The following NRG2 variants were observed in gnomAD, a reference collection of about 807,000 sequenced individuals.
The protein encoded by NRG2 is neuregulin 2.
A neutral mutation model predicts 73.9 loss-of-function variants in NRG2; 27 were observed. The observed-to-expected ratio is 0.37, with a 90% CI of 0.27 to 0.50. NRG2 has a LOEUF of 0.50. Ranked by LOEUF, NRG2 falls within the 20% of genes least tolerant of loss-of-function variation. The pLI is 0.96. For synonymous variants in NRG2, 532 were observed against 541.0 expected (o/e 0.98, Z 0.23); for missense variants, 1,126 against 1,210.1 (o/e 0.93, Z 1.03).
chr5:139,998,835 A>T (rs1309841189), intron 1 of NRG2, among the ~76,000 whole-genome samples: 1 of 152,216 alleles, frequency 6.6e-6, no homozygotes, highest in Non-Finnish European at 1.5e-5. Flanking sequence ...AGGGGAAGAT[A>T]GGAAGAGGAG....
intron 1 of NRG2, among the ~76,000 whole-genome samples, chr5:139,945,831 C>A (rs1753763630): frequency 6.6e-6 from 1 of 151,756 alleles, no homozygotes; most frequent in Non-Finnish European, 1.5e-5. Flanking sequence ...GAACAATTTG[C>A]AAATGAAATT....
At chr5:139,989,655 CCA>C (rs1757424489) in intron 1 of NRG2, among the ~76,000 whole-genome samples, 2 of 151,804 alleles carry the variant, frequency 1.3e-5, no homozygotes, top group African/African-American at 4.8e-5. Flanking sequence ...TTGCATGTCA[CCA>C]CAGTTCATTC....
chr5:140,026,727 C>G (rs1760720590), intron 1 of NRG2, among the ~76,000 whole-genome samples: 1 of 152,104 alleles, frequency 6.6e-6, no homozygotes, highest in Non-Finnish European at 1.5e-5. Flanking sequence ...ACTGTCATGA[C>G]TCGTCAATGT....
chr5:139,871,856 G>C lies in NRG2; in HGVS notation c.992-15C>G, dbSNP rs772889006. The C allele has an allele frequency of 3.1e-6, 5 of 1,612,792 alleles. No individual in the cohort carries two copies. In the African/African-American group the frequency reaches 6.7e-5, roughly 22 times the overall value. On this transcript the variant is annotated splice_polypyrimidine_tract_variant and intron_variant, in intron 3 of 9. Coordinates refer to ENST00000361474, the MANE Select transcript of NRG2 (RefSeq NM_004883.3). ...GGTGGTGCTCACTGAGGGTATGAGA[G>C]ACATGTGCCAGTGACGCACTGAGAC... is the stretch of plus-strand genomic sequence containing the variant.
intron 1 of NRG2, among the ~76,000 whole-genome samples, chr5:139,909,768 C>G (rs963302017): frequency 3.2e-4 from 48 of 152,310 alleles, no homozygotes; most frequent in Admixed American, 1.2e-3. Context: ...AAGCCCATTC[C>G]CCACATGACT....
intron 1 of NRG2, among the ~76,000 whole-genome samples, chr5:139,913,317 G>C (rs1164422143): frequency 6.6e-6 from 1 of 152,188 alleles, no homozygotes; most frequent in Non-Finnish European, 1.5e-5. Context: ...TGATGAGTCT[G>C]GTGGCCTCTC....
At chr5:140,025,124 C>G (rs1049797877) in intron 1 of NRG2, among the ~76,000 whole-genome samples, 1 of 152,196 alleles carries the variant, frequency 6.6e-6, no homozygotes, top group African/African-American at 2.4e-5. Flanking sequence ...CCTGACAAGG[C>G]CTGATTAGTA....
chr5:139,938,945 G>T (rs978599927), intron 1 of NRG2, among the ~76,000 whole-genome samples: 12 of 107,572 alleles, frequency 1.1e-4, no homozygotes, highest in African/African-American at 4.5e-4. Context: ...AAGAAAGAAA[G>T]AAAGAAAGAA....
At chr5:139,981,010 C>T (rs1361971397) in intron 1 of NRG2, among the ~76,000 whole-genome samples, 4 of 152,132 alleles carry the variant, frequency 2.6e-5, no homozygotes, top group African/African-American at 4.8e-5. Flanking sequence ...TGGGGTGCAG[C>T]GTGGCTGTGA....
intron 3 of NRG2, among the ~76,000 whole-genome samples, chr5:139,872,195 C>T (rs1209397905): frequency 1.3e-5 from 2 of 152,154 alleles, no homozygotes; most frequent in Admixed American, 6.5e-5. Context: ...TCCGGGGGCT[C>T]CCCTGCAAGT....
intron 1 of NRG2, among the ~76,000 whole-genome samples, chr5:140,035,731 A>G (rs900384857): frequency 6.6e-6 from 1 of 152,326 alleles, no homozygotes; most frequent in African/African-American, 2.4e-5. Flanking sequence ...ATCAAGACCA[A>G]GTAAAACATC....
intron 1 of NRG2, among the ~76,000 whole-genome samples, chr5:139,928,194 T>C (rs997486185): frequency 1.3e-5 from 2 of 152,166 alleles, no homozygotes; most frequent in African/African-American, 2.4e-5. Context: ...CAAGTGAGCA[T>C]GAATGCCCAG....
At chr5:139,897,920 T>C (rs1290332040) in intron 1 of NRG2, among the ~76,000 whole-genome samples, 1 of 152,160 alleles carries the variant, frequency 6.6e-6, no homozygotes, top group African/African-American at 2.4e-5. Context: ...GGCAGGAAGC[T>C]CAACTGGGGC....
At chr5:139,896,393 C>T (rs184337082) in intron 1 of NRG2, among the ~76,000 whole-genome samples, 2 of 152,188 alleles carry the variant, frequency 1.3e-5, no homozygotes, top group Admixed American at 6.5e-5. Context: ...GTGCAGGGTG[C>T]CCAGGCTGCC....
At chr5:139,907,707 A>T (rs1440440211) in intron 1 of NRG2, among the ~76,000 whole-genome samples, 1 of 152,188 alleles carries the variant, frequency 6.6e-6, no homozygotes, top group Non-Finnish European at 1.5e-5. Flanking sequence ...GAGTATCCAG[A>T]TCTAGTGCTG....
At position 139,887,408 on chromosome 5, in the gene NRG2, G is replaced by A. The variant is rs764669941; in HGVS notation, c.804C>T (p.Tyr268=). The A allele has an allele frequency of 1.2e-6, 2 of 1,614,142 alleles. No individual in the cohort carries two copies. The highest frequency in any genetic ancestry group is 1.7e-6 in the Non-Finnish European group (2 of 1,180,046). Residue 268 remains tyrosine, a synonymous_variant, in exon 2 of 10, where the codon TAC becomes TAT. Coordinates refer to ENST00000361474, the MANE Select transcript of NRG2 (RefSeq NM_004883.3). The surrounding 1 kb of genome is among the most constrained non-coding windows in gnomAD (Gnocchi z 4.5). ...GCTCCTTGCCATCCTTGAACCAACGGTAGGAAGGCTGGGGATTACCGGCTG... is the reference window on the plus strand; with the variant it reads ...GCTCCTTGCCATCCTTGAACCAACGATAGGAAGGCTGGGGATTACCGGCTG... ...EAAAGNPQPS[Y]RWFKDGKELN... is the part of the protein sequence containing the mutation.
At chr5:139,914,030 T>C (rs1320948527) in intron 1 of NRG2, among the ~76,000 whole-genome samples, 4 of 152,128 alleles carry the variant, frequency 2.6e-5, no homozygotes, top group Non-Finnish European at 4.4e-5. Context: ...GGCACACACC[T>C]GTAGTCCCAG....
intron 5 of NRG2, among the ~76,000 whole-genome samples, chr5:139,858,252 A>G (rs1014749818): frequency 6.6e-6 from 1 of 152,132 alleles, no homozygotes; most frequent in South Asian, 2.1e-4. Context: ...CATCCACTGA[A>G]TAAGGCAAGC....
intron 1 of NRG2, among the ~76,000 whole-genome samples, chr5:140,011,652 G>A (rs1325976895): frequency 1.3e-5 from 2 of 152,276 alleles, no homozygotes; most frequent in African/African-American, 2.4e-5. Context: ...CCTGAAGCCT[G>A]CCAATGGCCA....
Sources: allele counts gnomAD v4.1 joint callset (sites outside exome capture counted in the v4.1 genomes callset), GRCh38; gene constraint gnomAD v4.1.1; non-coding constraint Gnocchi (gnomAD v3.1); transcripts MANE v1.5; gene names NCBI Gene and HGNC (gene_info 2026-07-23, HGNC 2026-07-21).